The following OTC variants were observed in gnomAD, a reference collection of about 807,000 sequenced individuals.
The protein encoded by OTC is ornithine transcarbamylase.
In OTC, 3 loss-of-function variants were observed where a neutral mutation model predicts 30.3. The observed-to-expected ratio is 0.10, with a 90% confidence interval of 0.05 to 0.26. OTC has a LOEUF of 0.26. OTC is among the 10% of genes least tolerant of loss of function. The probability of loss-of-function intolerance (pLI) is 1.00; values close to 1 mark genes in which losing one functional copy is unlikely to be tolerated. For synonymous variants in OTC, 111 were observed against 99.7 expected (o/e 1.11, Z -0.67); for missense variants, 194 against 260.3 (o/e 0.75, Z 1.75).
At chrX:38,396,374 C>T (rs2068457208) in intron 4 of OTC, among the ~76,000 whole-genome samples, 1 of 111,937 alleles carries the variant, frequency 8.9e-6, no homozygotes, top group African/African-American at 3.2e-5. Flanking sequence ...GGCCTGGTTT[C>T]AATATTTAAA....
chrX:38,421,092 A>G lies in OTC; in HGVS notation c.*10A>G, dbSNP rs1445266656. On this transcript the variant is annotated 3_prime_UTR_variant, in exon 10 of 10. Transcript: ENST00000039007. ...GAAGCCTAAATTTTGATGTTGTGTT[A>G]CTTGTCAAGAAAGAAGCAATGTTCT... The G allele has an allele frequency of 6.1e-6, 7 of 1,149,644 alleles. No individual in the cohort carries two copies. The African/African-American group carries it at 1.1e-4, about 18-fold the overall frequency. The allele number at this position is 1,149,644 out of a possible 1,213,427, so 94.7% of individuals were successfully genotyped here.
At chrX:38,368,332 C>T (rs928323291) in intron 2 of OTC, among the ~76,000 whole-genome samples, 5 of 111,475 alleles carry the variant, frequency 4.5e-5, no homozygotes, top group Admixed American at 1.9e-4. Flanking sequence ...TGCTGTCCAG[C>T]CTGGGCAATA....
At chrX:38,384,391 A>C (rs892757126) in intron 4 of OTC, among the ~76,000 whole-genome samples, 1 of 112,212 alleles carries the variant, frequency 8.9e-6, no homozygotes, top group Non-Finnish European at 1.9e-5. Flanking sequence ...ATTACTGCTT[A>C]ATCTGCCAAA....
At chrX:38,400,195 C>G (rs961507976) in intron 4 of OTC, among the ~76,000 whole-genome samples, 23 of 111,236 alleles carry the variant, frequency 2.1e-4, no homozygotes, top group Non-Finnish European at 3.8e-4. Flanking sequence ...TTGATCTCCA[C>G]ATATTTTTGG....
intron 9 of OTC, among the ~76,000 whole-genome samples, chrX:38,415,229 C>T (rs937980197): frequency 1.8e-5 from 2 of 108,846 alleles, no homozygotes; most frequent in Non-Finnish European, 3.8e-5. Context: ...CAGGTGCCCG[C>T]CACTGTGCCC....
At chrX:38,404,848 G>A (rs1285255826) in intron 6 of OTC, among the ~76,000 whole-genome samples, 1 of 111,497 alleles carries the variant, frequency 9.0e-6, no homozygotes, top group East Asian at 2.8e-4. Flanking sequence ...AAAATTGAGA[G>A]TCCGGGCAAA....
chrX:38,379,265 T>C (rs191095806), intron 3 of OTC, among the ~76,000 whole-genome samples: 1 of 111,828 alleles, frequency 8.9e-6, no homozygotes, highest in East Asian at 2.8e-4. Context: ...AGATCACACT[T>C]TGAGCTGACT....
intron 1 of OTC, among the ~76,000 whole-genome samples, chrX:38,366,278 T>C (rs2068295518): frequency 8.9e-6 from 1 of 111,984 alleles, no homozygotes; most frequent in Non-Finnish European, 1.9e-5. Flanking sequence ...TTCTTAAGGT[T>C]TTTTTAAAAT....
chrX:38,336,425 C>T, the OTC span, among the ~76,000 whole-genome samples: 1 of 108,073 alleles, frequency 9.3e-6, no homozygotes, highest in South Asian at 4.1e-4. Flanking sequence ...TTGATGTAGC[C>T]ATGCAAATGA....
chrX:38,405,013 C>T (rs1318242823), intron 6 of OTC, among the ~76,000 whole-genome samples: 1 of 111,299 alleles, frequency 9.0e-6, no homozygotes, highest in Admixed American at 9.6e-5. Context: ...GTGGTAAATC[C>T]CCTGGCACTT....
intron 3 of OTC, among the ~76,000 whole-genome samples, chrX:38,372,700 G>A (rs1367788404): frequency 8.9e-6 from 1 of 112,822 alleles, no homozygotes; most frequent in Non-Finnish European, 1.9e-5. Flanking sequence ...ATCACTGAAA[G>A]CGAGTAGCTG....
At chrX:38,391,927 A>T (rs974531105) in intron 4 of OTC, among the ~76,000 whole-genome samples, 6 of 111,842 alleles carry the variant, frequency 5.4e-5, no homozygotes, top group South Asian at 3.7e-4. Context: ...AAAGAAGATT[A>T]AAAAAATAGA....
In OTC at chrX:38,367,403, A is replaced by C; in HGVS notation, c.190A>C (p.Lys64Gln). Residue 64 changes from lysine (K) to glutamine (Q), a missense_variant, in exon 2 of 10, where the codon AAA becomes CAA. By Grantham distance (53) the Lys-to-Gln change is moderately conservative. Coordinates refer to ENST00000039007, the MANE Select transcript of OTC (RefSeq NM_000531.6). ...TATGCTATGGCTATCAGCAGATCTG[A>C]AATTTAGGATAAAACAGAAAGGAGA... is the stretch of plus-strand genomic sequence containing the variant. ...KYMLWLSADL[K>Q]FRIKQKGEYL... 1 of 1,205,612 alleles carries C rather than the reference A, an allele frequency of 8.3e-7. No homozygotes were observed. Among genetic ancestry groups the C allele is most frequent in the Non-Finnish European group, 1.1e-6 (1 of 890,024 alleles).
In OTC at chrX:38,386,386, AAT is replaced by A. The variant is rs1555974125; in HGVS notation, c.386+4972_386+4973del. On this transcript the variant is annotated intron_variant, in intron 4 of 9. Transcript: ENST00000039007. ...AGACTCCATCTCAAAAAAAAAAAAAAATATATATATATATATGTAACTTATTC... is the reference window on the plus strand; with the variant it reads ...AGACTCCATCTCAAAAAAAAAAAAAAATATATATATATATGTAACTTATTC... Among the ~76,000 whole-genome samples, 208 of 88,935 alleles carry A rather than the reference AAT, an allele frequency of 2.3e-3. 1 individual carries two copies. The highest frequency in any genetic ancestry group is 7.7e-3 in the African/African-American group (193 of 25,088). The allele number at this position is 88,935 out of a possible 115,157, so 77.2% of individuals were successfully genotyped here. A position where few individuals can be genotyped will look rare whatever the true frequency, so the allele number is the denominator to read the frequency against.
rs1377185285 is a variant in OTC at position 38,411,966 on chromosome X, C to T, written c.972C>T (p.Phe324=). The change falls in exon 9 of 10, where the codon TTC becomes TTT. Residue 324 remains phenylalanine, a synonymous_variant. Coordinates refer to ENST00000039007, the MANE Select transcript of OTC (RefSeq NM_000531.6). The part of the protein sequence containing the change: ...EVFYSPRSLV[F]PEAENRKWTI... ...TTTATTCTCCTCGATCACTAGTGTTCCCAGAGGCAGAAAACAGAAAGTGGA... is the reference window on the plus strand; with the variant it reads ...TTTATTCTCCTCGATCACTAGTGTTTCCAGAGGCAGAAAACAGAAAGTGGA... 5.8e-6 allele frequency: 7 copies of T among 1,209,508 alleles called. No individual in the cohort carries two copies. Among genetic ancestry groups the T allele is most frequent in the Non-Finnish European group, 6.7e-6 (6 of 893,625 alleles).
At position 38,403,662 on chromosome X, in the gene OTC, G is replaced by A. The variant is rs1800327; in HGVS notation, c.585G>A (p.Gly195=). Reference sequence around the variant, plus strand: ...AAGGTCTTACCCTCAGCTGGATCGGGGATGGGAACAATATCCTGCACTCCA... The same window carrying A: ...AAGGTCTTACCCTCAGCTGGATCGGAGATGGGAACAATATCCTGCACTCCA... ...SLKGLTLSWI[G]DGNNILHSIM... Residue 195 remains glycine, a synonymous_variant, in exon 6 of 10, where the codon GGG becomes GGA. Coordinates refer to ENST00000039007, the MANE Select transcript of OTC (RefSeq NM_000531.6). 5.0e-6 allele frequency: 6 copies of A among 1,207,862 alleles called. No individual in the cohort carries two copies. Among genetic ancestry groups the A allele is most frequent in the Non-Finnish European group, 6.7e-6 (6 of 891,888 alleles).
chrX:38,373,001 C>A (rs891110105), intron 3 of OTC, among the ~76,000 whole-genome samples: 1 of 112,198 alleles, frequency 8.9e-6, no homozygotes, highest in South Asian at 3.6e-4. Context: ...ATCAAATTCT[C>A]CACCCAACTC....
intron 4 of OTC, among the ~76,000 whole-genome samples, chrX:38,387,436 C>T (rs776771734): frequency 1.9e-3 from 209 of 112,028 alleles, no homozygotes; most frequent in African/African-American, 6.5e-3. Flanking sequence ...TTCTTTTCTT[C>T]CTTGTTACAA....
rs1489482772 is a variant in OTC at position 38,414,034 on chromosome X, G to A, written c.1005+2035G>A. On this transcript the variant is annotated intron_variant, in intron 9 of 9. Transcript: ENST00000039007. ...CACCATCCTGCAGACCACATTTTGA[G>A]TAGCAAAGATCTAGATGACAAAGAA... 4.5e-5 allele frequency among the ~76,000 whole-genome samples: 5 copies of A among 111,489 alleles called. No individual in the cohort carries two copies. The East Asian group carries it at 1.4e-3, about 31-fold the overall frequency.
Sources: allele counts gnomAD v4.1 joint callset (sites outside exome capture counted in the v4.1 genomes callset), GRCh38; gene constraint gnomAD v4.1.1; transcripts MANE v1.5; gene names NCBI Gene and HGNC (gene_info 2026-07-23, HGNC 2026-07-21).